The following CREBL2 variants were observed in gnomAD, a reference collection of about 807,000 sequenced individuals.
The protein encoded by CREBL2 is cAMP-responsive element-binding protein-like 2.
Under a neutral mutation model 19.5 loss-of-function variants are expected in CREBL2, and 4 were observed. The ratio of observed to expected loss-of-function variants is 0.20; its 90% CI spans 0.10 to 0.47. CREBL2 has a LOEUF of 0.47. Among genes scored for constraint, CREBL2 ranks in the 20% least tolerant of loss-of-function variants. CREBL2 has a pLI of 0.98. For missense variants in CREBL2, 85 were observed against 145.1 expected (o/e 0.59, Z 2.13); for synonymous variants, 42 against 46.6 (o/e 0.90, Z 0.40).
intron 1 of CREBL2, among the ~76,000 whole-genome samples, chr12:12,626,202 T>TCCTAAAGAG (rs1393052419): frequency 9.9e-6 from 1 of 100,656 alleles, no homozygotes; most frequent in East Asian, 2.9e-4. Flanking sequence ...CCCAGTTAAC[T>TCCTAAAGAG]CCTAAAGAGC....
At chr12:12,617,630 C>A (rs566452465) in intron 1 of CREBL2, among the ~76,000 whole-genome samples, 7 of 72,646 alleles carry the variant, frequency 9.6e-5, no homozygotes, top group Non-Finnish European at 1.8e-4. Flanking sequence ...CTGAGATGCT[C>A]ATTTTAGTAA....
chr12:12,637,592 T>C lies in CREBL2; in HGVS notation c.236T>C (p.Met79Thr), dbSNP rs753540762. 1.2e-6 allele frequency: 2 copies of C among 1,604,460 alleles called. No homozygotes were observed. Among genetic ancestry groups the C allele is most frequent in the Admixed American group, 1.7e-5 (1 of 59,798 alleles). Residue 79 changes from methionine to threonine, a missense_variant, in exon 3 of 4, where the codon ATG becomes ACG. Physicochemically the swap from Met to Thr is moderately conservative, Grantham distance 81. Coordinates refer to ENST00000228865, the MANE Select transcript of CREBL2 (RefSeq NM_001310.4). ...CAGTACAAGCAGTGGTGCATGGCAA[T>C]GGACCAAGGAAAAATCCCTTCTGAA... ...LEMYKQWCMA[M>T]DQGKIPSEIK... is the part of the protein sequence containing the mutation.
intron 1 of CREBL2, among the ~76,000 whole-genome samples, chr12:12,618,426 C>T (rs184013852): frequency 0.019 from 2,922 of 151,930 alleles, 39 homozygotes; most frequent in Non-Finnish European, 0.028. Flanking sequence ...TCCTCACATC[C>T]CAGATGGGGT....
chr12:12,616,450 A>C (rs1945312111), intron 1 of CREBL2, among the ~76,000 whole-genome samples: 1 of 152,252 alleles, frequency 6.6e-6, no homozygotes, highest in Non-Finnish European at 1.5e-5. Context: ...ATAAGTACTT[A>C]GAAACCAGCA....
At chr12:12,620,245 T>G (rs1945349692) in intron 1 of CREBL2, among the ~76,000 whole-genome samples, 1 of 151,322 alleles carries the variant, frequency 6.6e-6, no homozygotes, top group South Asian at 2.1e-4. Context: ...TCTTTTTCTT[T>G]TTTTTTTTGA....
intron 1 of CREBL2, among the ~76,000 whole-genome samples, chr12:12,632,237 C>T (rs1205655826): frequency 6.6e-6 from 1 of 150,954 alleles, no homozygotes; most frequent in Non-Finnish European, 1.5e-5. Context: ...GCCACTACGC[C>T]CGGCTAATTT....
Position 12,635,992 on chromosome 12 carries a change from AACACAT to A in CREBL2, c.213+19_213+24del. 1 of 1,600,732 alleles carries A rather than the reference AACACAT, an allele frequency of 6.2e-7. No individual in the cohort carries two copies. The highest frequency in any genetic ancestry group is 1.1e-5 in the South Asian group (1 of 89,260). ...TGGAAATGGTAAGAAATCGTCAGTA[AACACAT>A]GAAAAAATCACCTTAACAGTCAAAT... On this transcript the variant is annotated intron_variant, in intron 2 of 3. Transcript: ENST00000228865.
chr12:12,630,595 T>C (rs1237353464), intron 1 of CREBL2, among the ~76,000 whole-genome samples: 1 of 152,202 alleles, frequency 6.6e-6, no homozygotes, highest in Non-Finnish European at 1.5e-5. Flanking sequence ...CTTTATTTTA[T>C]TCATCTCTGC....
intron 1 of CREBL2, among the ~76,000 whole-genome samples, chr12:12,631,434 T>C (rs1032315575): frequency 6.6e-6 from 1 of 152,198 alleles, no homozygotes; most frequent in Non-Finnish European, 1.5e-5. Flanking sequence ...GAAATAAAAT[T>C]AGAACAGGAA....
chr12:12,617,957 C>T (rs955802307), intron 1 of CREBL2, among the ~76,000 whole-genome samples: 1 of 151,910 alleles, frequency 6.6e-6, no homozygotes, highest in Admixed American at 6.6e-5. Flanking sequence ...GTGGACACAG[C>T]ACATGTTTCA....
chr12:12,629,226 TAATA>T (rs1186208814), intron 1 of CREBL2, among the ~76,000 whole-genome samples: 1 of 152,238 alleles, frequency 6.6e-6, no homozygotes, highest in Non-Finnish European at 1.5e-5. Flanking sequence ...TTCTTAATAA[TAATA>T]AATCTTCCAG....
chr12:12,643,103 T>C lies in CREBL2; in HGVS notation c.*1105T>C, dbSNP rs1372750378. The C allele has an allele frequency of 6.6e-6, 1 of 152,650 alleles. No homozygotes were observed. The allele number at this position is 152,650 out of a possible 1,614,324, so 9.5% of individuals were successfully genotyped here. The stretch of plus-strand genomic sequence containing the variant: ...CAGGCTCTGAGCCAGAAACACACTG[T>C]GGGCGTGCATCTGGTTCAGCCCTGG... On this transcript the variant is annotated 3_prime_UTR_variant, in exon 4 of 4. Transcript: ENST00000228865.
chr12:12,618,256 C>T (rs932035695), intron 1 of CREBL2, among the ~76,000 whole-genome samples: 3 of 145,376 alleles, frequency 2.1e-5, no homozygotes, highest in South Asian at 2.2e-4. Flanking sequence ...CGGGCGGAGA[C>T]GCTCCTCACT....
intron 1 of CREBL2, among the ~76,000 whole-genome samples, chr12:12,633,534 T>C (rs1945455191): frequency 6.6e-6 from 1 of 152,198 alleles, no homozygotes; most frequent in Non-Finnish European, 1.5e-5. Context: ...GAAGCAGTAC[T>C]GAAGAACCTG....
intron 1 of CREBL2, among the ~76,000 whole-genome samples, chr12:12,629,201 T>C (rs1945424616): frequency 2.0e-5 from 3 of 152,232 alleles, no homozygotes; most frequent in African/African-American, 7.2e-5. Context: ...GTAGATCAAT[T>C]TGAGGAGTAT....
chr12:12,612,290 C>T lies in CREBL2; in HGVS notation c.15+103C>T. 11 of 1,589,812 alleles carry T rather than the reference C, an allele frequency of 6.9e-6. No individual in the cohort carries two copies. The South Asian group carries it at 1.1e-4, about 16-fold the overall frequency. ...GTCCACGCCAACACCCAAGAGACACCTGCCTAAAACATCCCTGCGCCTCTC... is the reference window on the plus strand; with the variant it reads ...GTCCACGCCAACACCCAAGAGACACTTGCCTAAAACATCCCTGCGCCTCTC... On this transcript the variant is annotated intron_variant, in intron 1 of 3. Transcript: ENST00000228865.
chr12:12,612,121 C>CG lies in CREBL2; in HGVS notation c.-47dup, dbSNP rs1371472815. 1 of 1,604,730 alleles carries CG rather than the reference C, an allele frequency of 6.2e-7. No homozygotes were observed. The highest frequency in any genetic ancestry group is 8.5e-7 in the Non-Finnish European group (1 of 1,177,372). On this transcript the variant is annotated 5_prime_UTR_variant, in exon 1 of 4. Transcript: ENST00000228865. ...GGGGGCCGGGCCAGGCCGGCTGAGC[C>CG]GGGGGAGGGCTCCGGGAGGGAGTGC...
At chr12:12,624,103 A>G (rs1200041199) in intron 1 of CREBL2, among the ~76,000 whole-genome samples, 1 of 152,226 alleles carries the variant, frequency 6.6e-6, no homozygotes, top group Admixed American at 6.5e-5. Context: ...CATTTGTGGT[A>G]ATTTGTTACA....
rs1485430908 is a variant in CREBL2 at position 12,635,760 on chromosome 12, T to A, written c.16-17T>A. Reference sequence around the variant, plus strand: ...CAGAACTAAGGAAAAAATTATTTCTTCTCTCGCTTGCTGAAGGTGGTTGGA... The same window carrying A: ...CAGAACTAAGGAAAAAATTATTTCTACTCTCGCTTGCTGAAGGTGGTTGGA... On this transcript the variant is annotated splice_polypyrimidine_tract_variant and intron_variant, in intron 1 of 3. Transcript: ENST00000228865. 6 of 1,594,026 alleles carry A rather than the reference T, an allele frequency of 3.8e-6. No homozygotes were observed. Among genetic ancestry groups the A allele is most frequent in the Non-Finnish European group, 5.1e-6 (6 of 1,169,348 alleles).
Sources: gnomAD v4.1 joint callset for allele counts (sites outside exome capture counted in the v4.1 genomes callset) on GRCh38, gnomAD v4.1.1 for gene constraint, MANE v1.5 for transcripts, NCBI Gene and HGNC (gene_info 2026-07-23, HGNC 2026-07-21) for gene names.